Variants in STPG1 observed in about 807,000 individuals in gnomAD.
STPG1 encodes sperm tail PG-rich repeat containing 1.
A neutral mutation model predicts 40.1 loss-of-function variants in STPG1; 33 were observed. That is an observed-to-expected ratio of 0.82 (90% confidence interval 0.62 to 1.10). STPG1 has a LOEUF of 1.10. Among genes scored for constraint, STPG1 ranks in the 50% least tolerant of loss-of-function variants. The pLI is 0.00. For missense variants in STPG1, 396 were observed against 415.1 expected, an observed-to-expected ratio of 0.95 and a Z score of 0.40; for synonymous variants, 150 against 155.0, an observed-to-expected ratio of 0.97 and a Z score of 0.24.
chr1:24,408,677 A>C (rs967331100), intron 1 of STPG1, among the ~76,000 whole-genome samples: 4 of 152,226 alleles, frequency 2.6e-5, no homozygotes, highest in African/African-American at 9.6e-5. Context: ...GTTGTTTAAC[A>C]CATTTAACTA....
rs1640989150 is a variant in STPG1 at position 24,359,993 on chromosome 1, G to A, written c.928+858C>T. On this transcript the variant is annotated intron_variant, in intron 8 of 8. Coordinates refer to ENST00000337248, the MANE Select transcript of STPG1 (RefSeq NM_001199013.2). This position sits in a 1 kb window ranked among gnomAD's most constrained non-coding sequence, Gnocchi z 5.3. ...AGAGCTGCTCCGTTGGACAGTCCCT[G>A]GTTAATTTCATGAACAAACAAGGCA... Among the ~76,000 whole-genome samples, 1 of 152,268 alleles carries A rather than the reference G, an allele frequency of 6.6e-6. No individual in the cohort carries two copies. Among genetic ancestry groups the A allele is most frequent in the Admixed American group, 6.5e-5 (1 of 15,288 alleles).
At chr1:24,371,539 C>T (rs7533281) in intron 6 of STPG1, among the ~76,000 whole-genome samples, 24,332 of 149,984 alleles carry the variant, frequency 0.16, 2,483 homozygotes, top group African/African-American at 0.29. Context: ...TGCAGTGAGC[C>T]GAGATTGCAC....
In STPG1 at chr1:24,399,914, AT is replaced by A. The variant is rs1643153145; in HGVS notation, c.70+1404del. ...TTTGGAGCAGCTGGAATTCACATAC[AT>A]TGCTTGTAAGGAGGTAAAATTGGCA... On this transcript the variant is annotated intron_variant, in intron 2 of 8. Coordinates refer to ENST00000337248, the MANE Select transcript of STPG1 (RefSeq NM_001199013.2). This position sits in a 1 kb window ranked among gnomAD's most constrained non-coding sequence, Gnocchi z 4.0. 6.6e-6 allele frequency among the ~76,000 whole-genome samples: 1 copy of A among 152,218 alleles called. No individual in the cohort carries two copies.
intron 4 of STPG1, among the ~76,000 whole-genome samples, chr1:24,381,676 C>T (rs1642290325): frequency 6.6e-6 from 1 of 152,226 alleles, no homozygotes; most frequent in Admixed American, 6.5e-5. Flanking sequence ...TTTCAACAGT[C>T]ATGAGGAAGT....
chr1:24,369,332 A>G (rs201679164), intron 7 of STPG1: 16 of 501,248 alleles, frequency 3.2e-5, no homozygotes, highest in East Asian at 6.0e-5. Flanking sequence ...TCCTGAGCCA[A>G]TTCCCTGTGG....
intron 3 of STPG1, among the ~76,000 whole-genome samples, chr1:24,389,016 T>G (rs1367616777): frequency 6.6e-6 from 1 of 152,210 alleles, no homozygotes; most frequent in African/African-American, 2.4e-5. Flanking sequence ...AATTCCATCC[T>G]TATTTCTAAA....
At chr1:24,390,099 G>A (rs1243185001) in intron 3 of STPG1, among the ~76,000 whole-genome samples, 2 of 152,302 alleles carry the variant, frequency 1.3e-5, no homozygotes, top group East Asian at 1.9e-4. Flanking sequence ...ATCTGGGCAA[G>A]GTAATAAGAT....
intron 3 of STPG1, among the ~76,000 whole-genome samples, chr1:24,387,137 G>T (rs112014715): frequency 1.3e-5 from 2 of 152,172 alleles, no homozygotes; most frequent in Non-Finnish European, 2.9e-5. Flanking sequence ...AGTGCCCTGC[G>T]TGGGATGGGG....
intron 5 of STPG1, among the ~76,000 whole-genome samples, chr1:24,378,504 G>A (rs879499847): frequency 6.6e-5 from 10 of 152,104 alleles, no homozygotes; most frequent in South Asian, 2.1e-4. Context: ...GTGTGGTGGC[G>A]GGTGCCTGTA....
intron 1 of STPG1, among the ~76,000 whole-genome samples, chr1:24,402,177 C>T (rs181331815): frequency 6.6e-6 from 1 of 152,300 alleles, no homozygotes; most frequent in East Asian, 1.9e-4. Flanking sequence ...CCCTCCCAAC[C>T]ACTGCTCTGC....
intron 7 of STPG1, among the ~76,000 whole-genome samples, chr1:24,367,936 C>T (rs1641552895): frequency 3.3e-5 from 5 of 152,170 alleles, no homozygotes; most frequent in Admixed American, 3.3e-4. Flanking sequence ...CTGGAAGGTA[C>T]AGAGCTGGGA....
rs187998795 is a variant in STPG1 at position 24,361,378 on chromosome 1, G to T, written c.738-337C>A. On this transcript the variant is annotated intron_variant, in intron 7 of 8. Coordinates refer to ENST00000337248, the MANE Select transcript of STPG1 (RefSeq NM_001199013.2). The stretch of plus-strand genomic sequence containing the variant: ...ATGTGGAGCTAACCAGAAATGGCAG[G>T]CCGTGTATATCTCATGTGCCAACTC... 1.6e-4 allele frequency among the ~76,000 whole-genome samples: 24 copies of T among 152,268 alleles called. No individual in the cohort carries two copies. In the East Asian group the frequency reaches 4.2e-3, roughly 27 times the overall value.
Position 24,358,029 on chromosome 1 carries a change from T to C in STPG1, c.*514A>G, listed in dbSNP as rs957560385. On this transcript the variant is annotated 3_prime_UTR_variant, in exon 9 of 9. Transcript: ENST00000337248. ...GGAAAAAGCATCACCTGCCTGCAGGTAGCTTTCGCCCAGTAGACATACCGT... is the reference window on the plus strand; with the variant it reads ...GGAAAAAGCATCACCTGCCTGCAGGCAGCTTTCGCCCAGTAGACATACCGT... 1 of 355,976 alleles carries C rather than the reference T, an allele frequency of 2.8e-6. No homozygotes were observed. The highest frequency in any genetic ancestry group is 5.6e-6 in the Non-Finnish European group (1 of 179,510). The allele number at this position is 355,976 out of a possible 1,614,324, so 22.1% of individuals were successfully genotyped here. A position where few individuals can be genotyped will look rare whatever the true frequency, so the allele number is the denominator to read the frequency against.
Position 24,360,957 on chromosome 1 carries a change from G to C in STPG1, c.822C>G (p.Ile274Met), listed in dbSNP as rs199849506. 6.8e-6 allele frequency: 11 copies of C among 1,614,080 alleles called. No individual in the cohort carries two copies. The highest frequency in any genetic ancestry group is 1.3e-5 in the African/African-American group (1 of 75,072). ...PPFPGPGQYE[I>M]VDYLGPRKHF... is the part of the protein sequence containing the mutation. ...GCTTGCGGGGGCCTAAGTAGTCCAC[G>C]ATCTCATACTGACCAGGACCTGGGA... Residue 274 changes from isoleucine (I) to methionine (M), a missense_variant, in exon 8 of 9, where the codon ATC becomes ATG. Coordinates refer to ENST00000337248, the MANE Select transcript of STPG1 (RefSeq NM_001199013.2).
intron 7 of STPG1, chr1:24,364,062 G>A: frequency 7.4e-7 from 1 of 1,348,686 alleles, no homozygotes; most frequent in Non-Finnish European, 9.6e-7. Flanking sequence ...TTACCTTCCA[G>A]AAACACCCAA....
intron 6 of STPG1, among the ~76,000 whole-genome samples, chr1:24,370,522 C>T (rs889119750): frequency 1.3e-5 from 2 of 151,782 alleles, no homozygotes; most frequent in Non-Finnish European, 1.5e-5. Context: ...GACAGAGTCT[C>T]GCTCTGTCGC....
At chr1:24,404,967 C>T (rs921104372) in intron 1 of STPG1, among the ~76,000 whole-genome samples, 1 of 151,998 alleles carries the variant, frequency 6.6e-6, no homozygotes, top group Non-Finnish European at 1.5e-5. Flanking sequence ...CTCTTTCTAG[C>T]TTTTTAGGTG....
chr1:24,383,812 G>A (rs1237870641), intron 4 of STPG1, 90 bp downstream of exon 4: 7 of 864,246 alleles, frequency 8.1e-6, no homozygotes, highest in Non-Finnish European at 1.4e-5. Context: ...CCTTTGGAGA[G>A]AAAGGACCAG....
chr1:24,410,862 A>G (rs1643591625), intron 1 of STPG1: 1 of 151,592 alleles, frequency 6.6e-6, no homozygotes, highest in Non-Finnish European at 1.5e-5. Context: ...AATCAACAAC[A>G]TATGTTTAAG....
Sources: allele counts gnomAD v4.1 joint callset (sites outside exome capture counted in the v4.1 genomes callset), GRCh38; gene constraint gnomAD v4.1.1; non-coding constraint Gnocchi (gnomAD v3.1); transcripts MANE v1.5; gene names NCBI Gene and HGNC (gene_info 2026-07-23, HGNC 2026-07-21).